TMEM132C: variants seen among roughly 807,000 people sequenced by gnomAD.
The protein encoded by TMEM132C is transmembrane protein 132C.
In TMEM132C, 29 loss-of-function variants were observed where a neutral mutation model predicts 61.4. That is an observed-to-expected ratio of 0.47 (90% CI 0.35 to 0.64). The LOEUF (loss-of-function observed/expected upper bound fraction) is 0.64. Ranked by LOEUF, TMEM132C falls within the 30% of genes least tolerant of loss-of-function variation. The probability of loss-of-function intolerance (pLI) is 0.00; values close to 1 mark genes in which losing one functional copy is unlikely to be tolerated. For synonymous variants in TMEM132C, 656 were observed against 633.1 expected, an observed-to-expected ratio of 1.04 and a Z score of -0.54; for missense variants, 1,408 against 1,476.9, an observed-to-expected ratio of 0.95 and a Z score of 0.76.
At chr12:128,559,339 A>G (rs535742413) in intron 3 of TMEM132C, among the ~76,000 whole-genome samples, 1 of 152,160 alleles carries the variant, frequency 6.6e-6, no homozygotes, top group Non-Finnish European at 1.5e-5. Context: ...ATATAAACCA[A>G]CCCCCATATG....
At chr12:128,527,453 A>G (rs1873125366) in intron 2 of TMEM132C, among the ~76,000 whole-genome samples, 1 of 152,176 alleles carries the variant, frequency 6.6e-6, no homozygotes, top group Admixed American at 6.5e-5. Context: ...CGCTGAAGTC[A>G]TCTTCCCCCT....
intron 3 of TMEM132C, among the ~76,000 whole-genome samples, chr12:128,606,575 A>G (rs1438477902): frequency 2.0e-5 from 3 of 152,210 alleles, no homozygotes; most frequent in Non-Finnish European, 4.4e-5. Context: ...TTCTGGCAAC[A>G]AGGGGCCCAG....
chr12:128,438,007 T>A (rs561040115), intron 2 of TMEM132C: 2 of 152,334 alleles, frequency 1.3e-5, no homozygotes, highest in South Asian at 4.1e-4. Flanking sequence ...TGGTTTATTA[T>A]CTTCTATGTT....
intron 1 of TMEM132C, among the ~76,000 whole-genome samples, chr12:128,320,181 A>C (rs1478609603): frequency 6.6e-6 from 1 of 152,180 alleles, no homozygotes; most frequent in Non-Finnish European, 1.5e-5. Context: ...CTTGTCATAA[A>C]ATTAATTCCT....
intron 1 of TMEM132C, among the ~76,000 whole-genome samples, chr12:128,281,214 C>T (rs1204414559): frequency 6.6e-6 from 1 of 152,100 alleles, no homozygotes; most frequent in East Asian, 1.9e-4. Flanking sequence ...AGCTGTCAAC[C>T]CAGGCTGCCT....
At chr12:128,640,675 C>T (rs1954151012) in intron 4 of TMEM132C, among the ~76,000 whole-genome samples, 1 of 152,216 alleles carries the variant, frequency 6.6e-6, no homozygotes, top group Non-Finnish European at 1.5e-5. Flanking sequence ...GCGGGCAGAT[C>T]ACTTGAACCC....
At chr12:128,601,680 G>A (rs1054063435) in intron 3 of TMEM132C, among the ~76,000 whole-genome samples, 3 of 148,906 alleles carry the variant, frequency 2.0e-5, no homozygotes, top group South Asian at 2.1e-4. Context: ...GGTTGGAGTC[G>A]TCCTAAGGTG....
chr12:128,302,592 G>A (rs1871632318), intron 1 of TMEM132C, among the ~76,000 whole-genome samples: 1 of 152,192 alleles, frequency 6.6e-6, no homozygotes, highest in Admixed American at 6.5e-5. Flanking sequence ...CACAAATTTG[G>A]TAGCAAGTTT....
At chr12:128,499,950 A>C (rs1171460260) in intron 2 of TMEM132C, among the ~76,000 whole-genome samples, 1 of 152,122 alleles carries the variant, frequency 6.6e-6, no homozygotes, top group Non-Finnish European at 1.5e-5. Flanking sequence ...TTAGTTTTTG[A>C]GGAGCCTCCA....
At chr12:128,529,252 A>C (rs555325364) in intron 2 of TMEM132C, among the ~76,000 whole-genome samples, 10 of 150,312 alleles carry the variant, frequency 6.7e-5, no homozygotes, top group African/African-American at 2.5e-4. Context: ...ACAAACACAG[A>C]GTACCCCCCA....
intron 5 of TMEM132C, among the ~76,000 whole-genome samples, chr12:128,679,275 G>A (rs1315696537): frequency 6.6e-6 from 1 of 152,184 alleles, no homozygotes; most frequent in Non-Finnish European, 1.5e-5. Flanking sequence ...TTAATCACTG[G>A]GAGGCTAGAC....
chr12:128,291,005 C>T (rs1014303167), intron 1 of TMEM132C, among the ~76,000 whole-genome samples: 6 of 152,126 alleles, frequency 3.9e-5, no homozygotes, highest in African/African-American at 1.4e-4. Context: ...ACATCTTTTC[C>T]ACAATGAAAG....
At chr12:128,533,888 G>A (rs148679257) in intron 2 of TMEM132C, among the ~76,000 whole-genome samples, 5 of 151,626 alleles carry the variant, frequency 3.3e-5, no homozygotes, top group African/African-American at 4.8e-5. Flanking sequence ...GTACTTACCC[G>A]CCCTCCCATC....
chr12:128,576,052 C>T (rs879048740), intron 3 of TMEM132C, among the ~76,000 whole-genome samples: 6 of 152,146 alleles, frequency 3.9e-5, no homozygotes, highest in Admixed American at 2.6e-4. Context: ...GTCAGGAGTT[C>T]GAGACCAGCC....
At chr12:128,400,193 C>G (rs923807931) in intron 1 of TMEM132C, 3 of 152,262 alleles carry the variant, frequency 2.0e-5, no homozygotes, top group African/African-American at 7.2e-5. Context: ...GAGATCCAGG[C>G]GAGCTTCTCC....
intron 3 of TMEM132C, among the ~76,000 whole-genome samples, chr12:128,574,508 G>C (rs1213383921): frequency 5.3e-5 from 8 of 152,210 alleles, no homozygotes; most frequent in African/African-American, 1.9e-4. Context: ...TGGCGGCACT[G>C]CTGCCCCACC....
In TMEM132C at chr12:128,327,398, T is replaced by G. The variant is rs559885073; in HGVS notation, c.85+59911T>G. Among the ~76,000 whole-genome samples the G allele has an allele frequency of 8.9e-5, 13 of 145,322 alleles. No individual in the cohort carries two copies. In the East Asian group the frequency reaches 2.5e-3, roughly 28 times the overall value. ...TGTTTGTTTGTTTGTTTGTTTGTTT[T>G]TTGAGATGGAGTCTCACACTTTCAC... On this transcript the variant is annotated intron_variant, in intron 1 of 8. Transcript: ENST00000435159.
intron 2 of TMEM132C, among the ~76,000 whole-genome samples, chr12:128,427,593 C>T (rs938320620): frequency 9.2e-5 from 14 of 152,048 alleles, no homozygotes; most frequent in African/African-American, 3.1e-4. Flanking sequence ...ACTCCCCTTC[C>T]CCACTTTCCT....
intron 1 of TMEM132C, among the ~76,000 whole-genome samples, chr12:128,402,217 G>GT (rs1875184774): frequency 6.6e-6 from 1 of 152,188 alleles, no homozygotes; most frequent in Admixed American, 6.5e-5. Flanking sequence ...TGACACTTCA[G>GT]GGTTTTTTTG....
Sources: allele counts gnomAD v4.1 joint callset (sites outside exome capture counted in the v4.1 genomes callset), GRCh38; gene constraint gnomAD v4.1.1; transcripts MANE v1.5; gene names NCBI Gene and HGNC (gene_info 2026-07-23, HGNC 2026-07-21).